The following PHAX variants were observed in gnomAD, a reference collection of about 807,000 sequenced individuals.
PHAX encodes the protein phosphorylated adapter RNA export protein.
PHAX carries 31 observed loss-of-function variants against 41.6 expected under a neutral mutation model. The ratio of observed to expected loss-of-function variants is 0.75; its 90% CI spans 0.56 to 1.01. PHAX has a LOEUF of 1.01. Ranked by LOEUF, PHAX falls within the 50% of genes least tolerant of loss-of-function variation. The pLI, the probability that PHAX is intolerant of heterozygous loss-of-function variation, is 0.00. For missense variants in PHAX, 453 were observed against 472.9 expected, an observed-to-expected ratio of 0.96 and a Z score of 0.39; for synonymous variants, 175 against 164.9, an observed-to-expected ratio of 1.06 and a Z score of -0.47.
At chr5:126,617,744 T>C (rs1322576755) in intron 4 of PHAX, among the ~76,000 whole-genome samples, 8 of 152,192 alleles carry the variant, frequency 5.3e-5, no homozygotes, top group Non-Finnish European at 1.2e-4. Flanking sequence ...CCCCACAAAG[T>C]GCTGGGATTA....
At chr5:126,605,934 C>T (rs1751981454) in intron 2 of PHAX, among the ~76,000 whole-genome samples, 1 of 152,044 alleles carries the variant, frequency 6.6e-6, no homozygotes, top group South Asian at 2.1e-4. Flanking sequence ...GGAAACATAT[C>T]AAGTTGTATA....
intron 4 of PHAX, among the ~76,000 whole-genome samples, chr5:126,619,771 A>C (rs1001089986): frequency 6.6e-6 from 1 of 152,182 alleles, no homozygotes; most frequent in Admixed American, 6.6e-5. Flanking sequence ...ATTCTTCTAC[A>C]GTATGGATTT....
chr5:126,607,660 C>T (rs553063086), intron 2 of PHAX, among the ~76,000 whole-genome samples: 11 of 152,242 alleles, frequency 7.2e-5, no homozygotes, highest in Middle Eastern at 3.4e-3. Flanking sequence ...ACCTCGGCCT[C>T]CCAAAATGCT....
At chr5:126,617,133 G>T (rs1752198176) in intron 3 of PHAX, 117 bp from the exon 4 acceptor site, 1 of 540,016 alleles carries the variant, frequency 1.9e-6, no homozygotes, top group Non-Finnish European at 3.3e-6. Flanking sequence ...TCAGAATCAG[G>T]ACTGGACTTC....
intron 1 of PHAX, among the ~76,000 whole-genome samples, chr5:126,601,443 C>A (rs897474839): frequency 6.6e-6 from 1 of 152,230 alleles, no homozygotes; most frequent in Non-Finnish European, 1.5e-5. Flanking sequence ...TTCCCCACTC[C>A]ATCGCCGCTA....
rs764499569 is a variant in PHAX, at chr5:126,608,403, G to C, written c.750G>C (p.Val250=). The C allele has an allele frequency of 6.2e-7, 1 of 1,613,604 alleles. No homozygotes were observed. The highest frequency in any genetic ancestry group is 8.5e-7 in the Non-Finnish European group (1 of 1,179,650). Residue 250 remains valine, a synonymous_variant, in exon 3 of 5, where the codon GTG becomes GTC. Transcript: ENST00000297540. Reference sequence around the variant, plus strand: ...AGAAAGACCTGATAGCCCGAGTAGTGAGGATTATTGGTAACAAAAAGGCAA... The same window carrying C: ...AGAAAGACCTGATAGCCCGAGTAGTCAGGATTATTGGTAACAAAAAGGCAA... The part of the protein sequence containing the change: ...EPKKDLIARV[V]RIIGNKKAIE...
chr5:126,617,394 C>G, intron 4 of PHAX, 61 bp downstream of exon 4: 1 of 926,500 alleles, frequency 1.1e-6, no homozygotes, highest in Non-Finnish European at 1.7e-6. Flanking sequence ...TCACCCTCTA[C>G]CTTCATTTTC....
intron 3 of PHAX, among the ~76,000 whole-genome samples, chr5:126,611,349 C>T (rs1327416776): frequency 3.3e-5 from 5 of 152,218 alleles, no homozygotes; most frequent in East Asian, 3.8e-4. Flanking sequence ...GCACCACGCC[C>T]GGCCTCCAAA....
chr5:126,612,170 A>G (rs1376119367), intron 3 of PHAX, among the ~76,000 whole-genome samples: 1 of 152,204 alleles, frequency 6.6e-6, no homozygotes, highest in Non-Finnish European at 1.5e-5. Context: ...ACAAAATTTT[A>G]AAGATAGGCT....
intron 4 of PHAX, among the ~76,000 whole-genome samples, chr5:126,623,757 C>T (rs1022623280): frequency 6.6e-6 from 1 of 152,118 alleles, no homozygotes; most frequent in African/African-American, 2.4e-5. Context: ...CACCATCTTC[C>T]ATAGTGCTTT....
At chr5:126,618,118 T>C in intron 4 of PHAX, among the ~76,000 whole-genome samples, 1 of 151,230 alleles carries the variant, frequency 6.6e-6, no homozygotes, top group Non-Finnish European at 1.5e-5. Flanking sequence ...TACACCCAGC[T>C]AATTTTTGTA....
intron 4 of PHAX, among the ~76,000 whole-genome samples, chr5:126,619,115 C>T (rs1224458226): frequency 3.3e-5 from 5 of 152,020 alleles, no homozygotes; most frequent in Admixed American, 1.3e-4. Flanking sequence ...TTTGTAGAGA[C>T]GGAGTTTCTC....
At chr5:126,605,556 AT>A (rs397729528) in intron 2 of PHAX, among the ~76,000 whole-genome samples, 139 of 147,260 alleles carry the variant, frequency 9.4e-4, no homozygotes, top group Middle Eastern at 3.4e-3. Context: ...CACCCAAATA[AT>A]TTTTTTTTTT....
chr5:126,611,138 C>G (rs1752090361), intron 3 of PHAX, among the ~76,000 whole-genome samples: 1 of 151,734 alleles, frequency 6.6e-6, no homozygotes. Flanking sequence ...TCACCACAAC[C>G]TCTGCCTCCC....
chr5:126,612,419 G>T (rs994121748), intron 3 of PHAX, among the ~76,000 whole-genome samples: 2 of 152,144 alleles, frequency 1.3e-5, no homozygotes, highest in African/African-American at 4.8e-5. Flanking sequence ...CATTTCCTAG[G>T]CCGGGCGTGG....
intron 1 of PHAX, among the ~76,000 whole-genome samples, chr5:126,603,093 G>A (rs2112828076): frequency 6.9e-6 from 1 of 145,820 alleles, no homozygotes; most frequent in Non-Finnish European, 1.5e-5. Flanking sequence ...AAAAAAAATA[G>A]CTGGGTATGG....
Position 126,604,113 on chromosome 5 carries a change from A to G in PHAX, c.640A>G (p.Asn214Asp), listed in dbSNP as rs762882196. ...CAGGCTAGGGAACAGACCAGAAATG[A>G]ACTATAAAGGTCGATACGAGATCAC... ...KDRLGNRPEM[N>D]YKGRYEITAE... Residue 214 changes from asparagine (N) to aspartate (D), a missense_variant, in exon 2 of 5, where the codon AAC becomes GAC. Transcript: ENST00000297540. 2 of 1,606,114 alleles carry G rather than the reference A, an allele frequency of 1.2e-6. No individual in the cohort carries two copies.
Position 126,604,170 on chromosome 5 carries a change from G to A in PHAX, c.697G>A (p.Glu233Lys). The A allele has an allele frequency of 6.5e-7, 1 of 1,528,124 alleles. No individual in the cohort carries two copies. The highest frequency in any genetic ancestry group is 8.8e-7 in the Non-Finnish European group (1 of 1,140,662). 94.7% of individuals were successfully genotyped at this position (1,528,124 alleles called of 1,614,324 possible). Reference sequence around the variant, plus strand: ...AGATTCTCAAGAGAAAGTGGCTGATGAAATTTCATTCAGGTGAGCATTTGA... The same window carrying A: ...AGATTCTCAAGAGAAAGTGGCTGATAAAATTTCATTCAGGTGAGCATTTGA... Reference protein sequence around the residue: ...AEDSQEKVADEISFRLQEPKK... With the variant: ...AEDSQEKVADKISFRLQEPKK... The change falls in exon 2 of 5, where the codon GAA becomes AAA. Residue 233 changes from glutamate (E) to lysine (K), a missense_variant. Transcript: ENST00000297540.
chr5:126,617,838 G>A (rs572115762), intron 4 of PHAX, among the ~76,000 whole-genome samples: 39 of 151,370 alleles, frequency 2.6e-4, no homozygotes, highest in African/African-American at 8.5e-4. Flanking sequence ...GGTCTTGTAC[G>A]TCTCGGCTCA....
Sources: gnomAD v4.1 joint callset for allele counts (sites outside exome capture counted in the v4.1 genomes callset) on GRCh38, gnomAD v4.1.1 for gene constraint, MANE v1.5 for transcripts, NCBI Gene and HGNC (gene_info 2026-07-23, HGNC 2026-07-21) for gene names.